Variants in ANKS1B observed in about 807,000 individuals in gnomAD.
The protein encoded by ANKS1B is ankyrin repeat and sterile alpha motif domain containing 1B.
A neutral mutation model predicts 148.3 loss-of-function variants in ANKS1B; 36 were observed. The observed-to-expected ratio is 0.24, with a 90% CI of 0.19 to 0.32. The LOEUF is 0.32. Ranked by LOEUF, ANKS1B falls within the 10% of genes least tolerant of loss-of-function variation. The pLI, the probability that ANKS1B is intolerant of heterozygous loss-of-function variation, is 1.00. For missense variants in ANKS1B, 1,157 were observed against 1,542.6 expected, an observed-to-expected ratio of 0.75 and a Z score of 4.19; for synonymous variants, 542 against 560.8, an observed-to-expected ratio of 0.97 and a Z score of 0.47.
chr12:98,958,629 T>C (rs2099866260), intron 17 of ANKS1B, among the ~76,000 whole-genome samples: 1 of 152,246 alleles, frequency 6.6e-6, no homozygotes, highest in African/African-American at 2.4e-5. Context: ...TCCTTTTGCA[T>C]TGTACTGAAT....
intron 11 of ANKS1B, among the ~76,000 whole-genome samples, chr12:99,419,348 T>C (rs907457833): frequency 7.2e-5 from 11 of 152,350 alleles, no homozygotes; most frequent in African/African-American, 2.4e-4. Flanking sequence ...TTTGTTTTAA[T>C]AATTGATCCA....
rs369158869 is a variant in ANKS1B at position 99,528,191 on chromosome 12, C to T, written c.1273-23550G>A. 9.9e-4 allele frequency among the ~76,000 whole-genome samples: 150 copies of T among 152,072 alleles called. 1 individual carries two copies. The South Asian group carries it at 0.028, about 28-fold the overall frequency. On this transcript the variant is annotated intron_variant, in intron 9 of 26. Transcript: ENST00000683438. ...CCATATGCAGAAAATTGAAACTGGA[C>T]CCCTTCCTTACACCATATACAAAAA...
intron 25 of ANKS1B, among the ~76,000 whole-genome samples, chr12:98,754,103 T>C (rs1216930333): frequency 6.6e-6 from 1 of 152,180 alleles, no homozygotes; most frequent in Non-Finnish European, 1.5e-5. Context: ...GATGTGTCTG[T>C]CTCCTTTAAG....
chr12:99,434,466 ATCCTTAC>A (rs1203419072), intron 11 of ANKS1B, among the ~76,000 whole-genome samples: 1 of 152,122 alleles, frequency 6.6e-6, no homozygotes, highest in Middle Eastern at 3.2e-3. Flanking sequence ...TTAACAAGTT[ATCCTTAC>A]TAATAGGCAT....
At chr12:99,708,521 G>A (rs1364233005) in intron 8 of ANKS1B, among the ~76,000 whole-genome samples, 1 of 152,098 alleles carries the variant, frequency 6.6e-6, no homozygotes, top group Non-Finnish European at 1.5e-5. Context: ...CTCCTCTAGA[G>A]GATCTGGGAA....
At chr12:99,172,400 A>G (rs1392123404) in intron 14 of ANKS1B, among the ~76,000 whole-genome samples, 2 of 152,236 alleles carry the variant, frequency 1.3e-5, no homozygotes, top group East Asian at 1.9e-4. Context: ...GTGGAAAGGT[A>G]TAGAAAACCT....
chr12:99,325,774 A>G (rs1430527990), intron 12 of ANKS1B, among the ~76,000 whole-genome samples: 1 of 152,154 alleles, frequency 6.6e-6, no homozygotes, highest in Non-Finnish European at 1.5e-5. Context: ...AAGACAAAGC[A>G]TAATCAATGC....
chr12:99,407,467 C>T lies in ANKS1B; in HGVS notation c.1576-7656G>A, dbSNP rs529233127. Reference sequence around the variant, plus strand: ...TCTAAGACCTGGAACTTGACAAGGACGCCCACTTTCAGCACTCTTATTCAC... The same window carrying T: ...TCTAAGACCTGGAACTTGACAAGGATGCCCACTTTCAGCACTCTTATTCAC... On this transcript the variant is annotated intron_variant, in intron 11 of 26. Coordinates refer to ENST00000683438, the MANE Select transcript of ANKS1B (RefSeq NM_001352186.2). 8.9e-5 allele frequency among the ~76,000 whole-genome samples: 13 copies of T among 145,498 alleles called. 1 individual carries two copies. Among genetic ancestry groups the T allele is most frequent in the Admixed American group, 6.1e-4 (9 of 14,678 alleles).
At chr12:99,904,244 T>C (rs1174636035) in intron 1 of ANKS1B, among the ~76,000 whole-genome samples, 2 of 151,286 alleles carry the variant, frequency 1.3e-5, no homozygotes, top group Admixed American at 1.3e-4. Context: ...CAGGCTGGAG[T>C]GCAATGGCAT....
At chr12:99,319,306 A>C (rs1227345894) in intron 12 of ANKS1B, among the ~76,000 whole-genome samples, 1 of 152,112 alleles carries the variant, frequency 6.6e-6, no homozygotes, top group Admixed American at 6.5e-5. Flanking sequence ...TAGGAGTCTA[A>C]GTCTCTTTGT....
chr12:99,005,601 C>G (rs1568317334), intron 17 of ANKS1B, among the ~76,000 whole-genome samples: 1 of 152,158 alleles, frequency 6.6e-6, no homozygotes, highest in African/African-American at 2.4e-5. Context: ...GTCTCCTTTT[C>G]CCTCTCGATT....
chr12:99,007,371 A>T (rs2099936714), intron 17 of ANKS1B, among the ~76,000 whole-genome samples: 1 of 152,248 alleles, frequency 6.6e-6, no homozygotes, highest in African/African-American at 2.4e-5. Context: ...TGGACTTTTT[A>T]TGAAGATAGC....
chr12:99,496,211 G>A (rs1206816088), intron 10 of ANKS1B, among the ~76,000 whole-genome samples: 1 of 152,098 alleles, frequency 6.6e-6, no homozygotes, highest in Non-Finnish European at 1.5e-5. Context: ...TCAAAATAAC[G>A]GTTGCCTAGT....
At chr12:99,076,236 G>A (rs1014109408) in intron 16 of ANKS1B, among the ~76,000 whole-genome samples, 1 of 152,136 alleles carries the variant, frequency 6.6e-6, no homozygotes, top group Admixed American at 6.6e-5. Context: ...CCCAGACGAG[G>A]GTTGACAGTT....
chr12:99,510,496 G>A (rs573419138), intron 9 of ANKS1B, among the ~76,000 whole-genome samples: 13 of 152,040 alleles, frequency 8.6e-5, no homozygotes, highest in African/African-American at 1.9e-4. Flanking sequence ...CAGATGTGAC[G>A]GATAAATAGC....
intron 10 of ANKS1B, among the ~76,000 whole-genome samples, chr12:99,449,720 AT>A (rs1368757845): frequency 6.6e-6 from 1 of 152,194 alleles, no homozygotes; most frequent in Non-Finnish European, 1.5e-5. Context: ...ACAAATAGTT[AT>A]CCTTTTTAGA....
At chr12:99,658,826 C>T (rs1001644171) in intron 8 of ANKS1B, among the ~76,000 whole-genome samples, 4 of 152,132 alleles carry the variant, frequency 2.6e-5, no homozygotes, top group Non-Finnish European at 4.4e-5. Context: ...TACACACACA[C>T]AGTGTGCTTG....
At chr12:99,571,831 A>C (rs118042924) in intron 9 of ANKS1B, among the ~76,000 whole-genome samples, 2,115 of 152,264 alleles carry the variant, frequency 0.014, 18 homozygotes, top group Non-Finnish European at 0.022. Context: ...TCTAAGGACA[A>C]AGACAAATGG....
chr12:99,222,978 G>A (rs2085349497), intron 14 of ANKS1B, among the ~76,000 whole-genome samples: 1 of 152,180 alleles, frequency 6.6e-6, no homozygotes, highest in South Asian at 2.1e-4. Flanking sequence ...ATGGGTGTGT[G>A]CATATACTCA....
Sources: allele counts gnomAD v4.1 joint callset (sites outside exome capture counted in the v4.1 genomes callset), GRCh38; gene constraint gnomAD v4.1.1; transcripts MANE v1.5; gene names NCBI Gene and HGNC (gene_info 2026-07-23, HGNC 2026-07-21).